Variants in PAFAH1B2 observed in about 807,000 individuals in gnomAD.
PAFAH1B2 encodes the protein platelet activating factor acetylhydrolase 1b catalytic subunit 2.
PAFAH1B2 carries 8 observed loss-of-function variants against 28.0 expected under a neutral mutation model. The ratio of observed to expected loss-of-function variants is 0.29; its 90% CI spans 0.17 to 0.52. PAFAH1B2 has a LOEUF of 0.52. Among genes scored for constraint, PAFAH1B2 ranks in the 20% least tolerant of loss-of-function variants. PAFAH1B2 has a pLI of 0.97. For missense variants in PAFAH1B2, 190 were observed against 282.6 expected (o/e 0.67, Z 2.35); for synonymous variants, 104 against 103.2 (o/e 1.01, Z -0.05).
intron 2 of PAFAH1B2, among the ~76,000 whole-genome samples, chr11:117,156,009 AC>A (rs1956246924): frequency 6.6e-6 from 1 of 151,984 alleles, no homozygotes; most frequent in Non-Finnish European, 1.5e-5. Context: ...ACACACCAAG[AC>A]CCTGATTCAA....
At chr11:117,146,523 C>T (rs747128046) in intron 1 of PAFAH1B2, among the ~76,000 whole-genome samples, 3 of 152,134 alleles carry the variant, frequency 2.0e-5, no homozygotes, top group Non-Finnish European at 2.9e-5. Flanking sequence ...GGCAAGACCT[C>T]GTCTCTACGA....
intron 1 of PAFAH1B2, among the ~76,000 whole-genome samples, chr11:117,148,046 TTTTTTTTTTC>T (rs869176868): frequency 6.9e-6 from 1 of 144,356 alleles, no homozygotes; most frequent in Non-Finnish European, 1.5e-5. Flanking sequence ...ATCTTTTTTC[TTTTTTTTTTC>T]TTTTTTTTTT....
rs775649408 is a variant in PAFAH1B2, at chr11:117,170,044, A to C, written c.*2345A>C. 35 of 1,055,416 alleles carry C rather than the reference A, an allele frequency of 3.3e-5. No homozygotes were observed. The highest frequency in any genetic ancestry group is 3.8e-5 in the Non-Finnish European group (33 of 873,254). The allele number at this position is 1,055,416 out of a possible 1,614,324, so 65.4% of individuals were successfully genotyped here. On this transcript the variant is annotated 3_prime_UTR_variant, in exon 6 of 6. Coordinates refer to ENST00000527958, the MANE Select transcript of PAFAH1B2 (RefSeq NM_002572.4). ...TAGTATTTGAACCACTAGCCTTTTA[A>C]ATAAAATTCTGCCCCATTACTGATG...
intron 2 of PAFAH1B2, among the ~76,000 whole-genome samples, chr11:117,157,892 C>G (rs1439641261): frequency 1.3e-5 from 2 of 152,154 alleles, no homozygotes; most frequent in African/African-American, 4.8e-5. Flanking sequence ...AATCCCAGCA[C>G]TTTTGGAGGC....
rs1956600321 is a variant in PAFAH1B2 at position 117,169,551 on chromosome 11, A to AT, written c.*1859dup. The AT allele has an allele frequency of 9.5e-7, 1 of 1,055,588 alleles. No individual in the cohort carries two copies. The allele number at this position is 1,055,588 out of a possible 1,614,324, so 65.4% of individuals were successfully genotyped here. ...TGATTGAGGGATGAACCTTGGGCTC[A>AT]TTTTTTTCTTGTGAAGTCTCTTTCT... On this transcript the variant is annotated 3_prime_UTR_variant, in exon 6 of 6. Transcript: ENST00000527958.
At chr11:117,155,940 C>T (rs551473405) in intron 2 of PAFAH1B2, among the ~76,000 whole-genome samples, 34 of 152,216 alleles carry the variant, frequency 2.2e-4, no homozygotes, top group African/African-American at 7.9e-4. Flanking sequence ...CCTGTAGTCC[C>T]AGCACTTTGG....
At chr11:117,174,205 T>TGG (rs1555034644), downstream of PAFAH1B2, among the ~76,000 whole-genome samples, 14 of 147,456 alleles carry the variant, frequency 9.5e-5, no homozygotes, top group African/African-American at 3.3e-4. Flanking sequence ...TGTGTGTGTG[T>TGG]GGCAGTTTCA....
At chr11:117,173,054 A>G (rs1445323867), downstream of PAFAH1B2, among the ~76,000 whole-genome samples, 1 of 152,226 alleles carries the variant, frequency 6.6e-6, no homozygotes, top group Non-Finnish European at 1.5e-5. Context: ...TTGAAATAAG[A>G]GAGCTGGCTC....
chr11:117,158,094 C>T (rs766168929), intron 2 of PAFAH1B2, among the ~76,000 whole-genome samples: 12 of 152,096 alleles, frequency 7.9e-5, no homozygotes, highest in Admixed American at 3.3e-4. Context: ...GCTAAGATCG[C>T]GCCACTACAC....
intron 1 of PAFAH1B2, among the ~76,000 whole-genome samples, chr11:117,147,123 G>A (rs145384144): frequency 6.6e-6 from 1 of 151,984 alleles, no homozygotes; most frequent in Non-Finnish European, 1.5e-5. Context: ...ACAAAAATTA[G>A]CTGGGCATGG....
At chr11:117,145,594 G>A (rs1422872813) in intron 1 of PAFAH1B2, among the ~76,000 whole-genome samples, 1 of 152,206 alleles carries the variant, frequency 6.6e-6, no homozygotes, top group African/African-American at 2.4e-5. Context: ...GGGAGGATTA[G>A]TTTGTTGGCT....
chr11:117,147,981 A>G (rs549757342), intron 1 of PAFAH1B2, among the ~76,000 whole-genome samples: 2 of 152,140 alleles, frequency 1.3e-5, no homozygotes, highest in East Asian at 3.9e-4. Context: ...ATGCCATTAA[A>G]TTTGGGTAGT....
chr11:117,169,235 T>C lies in PAFAH1B2; in HGVS notation c.*1536T>C. 1 of 1,037,012 alleles carries C rather than the reference T, an allele frequency of 9.6e-7. No homozygotes were observed. The highest frequency in any genetic ancestry group is 1.2e-6 in the Non-Finnish European group (1 of 861,496). 64.2% of individuals were successfully genotyped at this position (1,037,012 alleles called of 1,614,324 possible). On this transcript the variant is annotated 3_prime_UTR_variant, in exon 6 of 6. Coordinates refer to ENST00000527958, the MANE Select transcript of PAFAH1B2 (RefSeq NM_002572.4). The stretch of plus-strand genomic sequence containing the variant: ...GGTTTGTTTCACTTCTGAGGTGTCT[T>C]ATTAATGTACTTCATCTGAGAATTT...
chr11:117,163,915 A>G (rs1428971612), intron 5 of PAFAH1B2, 23 bp downstream of exon 5: 14 of 1,610,254 alleles, frequency 8.7e-6, no homozygotes, highest in East Asian at 2.2e-5. Flanking sequence ...TGGTGGGTAG[A>G]GAGTTTGTTA....
chr11:117,163,731 A>G, intron 4 of PAFAH1B2, 39 bp from the exon 5 acceptor site: 2 of 1,598,462 alleles, frequency 1.3e-6, no homozygotes, highest in Non-Finnish European at 8.5e-7. Context: ...GTTCCTGGGT[A>G]TTTATCTTCT....
In PAFAH1B2 at chr11:117,170,380, A is replaced by G; in HGVS notation, c.*2681A>G. On this transcript the variant is annotated 3_prime_UTR_variant, in exon 6 of 6. Coordinates refer to ENST00000527958, the MANE Select transcript of PAFAH1B2 (RefSeq NM_002572.4). Reference sequence around the variant, plus strand: ...CTAGATGGCAGCCAGTGATGGAACTATAAAGATGTCTGTGGTCATATGTTG... The same window carrying G: ...CTAGATGGCAGCCAGTGATGGAACTGTAAAGATGTCTGTGGTCATATGTTG... 9.4e-7 allele frequency: 1 copy of G among 1,059,308 alleles called. No individual in the cohort carries two copies. Among genetic ancestry groups the G allele is most frequent in the Non-Finnish European group, 1.1e-6 (1 of 876,744 alleles). 65.6% of individuals were successfully genotyped at this position (1,059,308 alleles called of 1,614,324 possible). A position where few individuals can be genotyped will look rare whatever the true frequency, so the allele number is the denominator to read the frequency against.
chr11:117,149,780 A>G (rs1956106173), intron 1 of PAFAH1B2, among the ~76,000 whole-genome samples: 1 of 152,018 alleles, frequency 6.6e-6, no homozygotes, highest in Non-Finnish European at 1.5e-5. Flanking sequence ...ACTATAATTT[A>G]AGATTCACAT....
At chr11:117,149,576 G>C (rs1167601578) in intron 1 of PAFAH1B2, among the ~76,000 whole-genome samples, 9 of 150,678 alleles carry the variant, frequency 6.0e-5, no homozygotes, top group Non-Finnish European at 1.5e-5. Flanking sequence ...ACAGGTGCCC[G>C]CCACCACGCC....
chr11:117,175,141 C>T (rs1475324028), downstream of PAFAH1B2: 4 of 1,197,854 alleles, frequency 3.3e-6, no homozygotes, highest in African/African-American at 6.3e-5. Context: ...CTTATGGCCC[C>T]ACCCTGACCG....
Sources: allele counts gnomAD v4.1 joint callset (sites outside exome capture counted in the v4.1 genomes callset), GRCh38; gene constraint gnomAD v4.1.1; transcripts MANE v1.5; gene names NCBI Gene and HGNC (gene_info 2026-07-23, HGNC 2026-07-21).